CDH19: variants seen among roughly 807,000 people sequenced by gnomAD.
The protein encoded by CDH19 is cadherin 19.
A neutral mutation model predicts 64.2 loss-of-function variants in CDH19; 67 were observed. The observed-to-expected ratio is 1.04, with a 90% CI of 0.86 to 1.28. The LOEUF is 1.28. Ranked by LOEUF, CDH19 falls within the 50% of genes most tolerant of loss-of-function variation. The pLI, the probability that CDH19 is intolerant of heterozygous loss-of-function variation, is 0.00. For missense variants in CDH19, 1,030 were observed against 929.0 expected (o/e 1.11, Z -1.41); for synonymous variants, 346 against 319.3 (o/e 1.08, Z -0.89).
At chr18:66,520,837 C>A (rs892904879) in intron 9 of CDH19, among the ~76,000 whole-genome samples, 1 of 151,874 alleles carries the variant, frequency 6.6e-6, no homozygotes, top group Admixed American at 6.6e-5. Context: ...AAACGTTGCT[C>A]CTGTAGGATG....
intron 9 of CDH19, among the ~76,000 whole-genome samples, chr18:66,518,621 T>C (rs1985844090): frequency 6.6e-6 from 1 of 152,186 alleles, no homozygotes; most frequent in African/African-American, 2.4e-5. Flanking sequence ...TTCCTTTGAC[T>C]TGATATGTAA....
At chr18:66,539,310 T>C (rs1026698790) in intron 7 of CDH19, among the ~76,000 whole-genome samples, 2 of 152,100 alleles carry the variant, frequency 1.3e-5, no homozygotes, top group African/African-American at 4.8e-5. Context: ...ATATTATAGA[T>C]TTGGACTAGT....
At chr18:66,542,630 TA>T (rs1986933557) in intron 7 of CDH19, among the ~76,000 whole-genome samples, 1 of 152,202 alleles carries the variant, frequency 6.6e-6, no homozygotes, top group Non-Finnish European at 1.5e-5. Context: ...CTTTAAGTGG[TA>T]TCCTGTAAAA....
chr18:66,554,359 C>G, intron 4 of CDH19, 46 bp downstream of exon 4: 1 of 1,596,872 alleles, frequency 6.3e-7, no homozygotes, highest in Non-Finnish European at 8.5e-7. Context: ...TGACAATTGC[C>G]TTCTTTAGAA....
At chr18:66,538,127 A>G (rs1986745483) in intron 7 of CDH19, among the ~76,000 whole-genome samples, 1 of 152,096 alleles carries the variant, frequency 6.6e-6, no homozygotes, top group South Asian at 2.1e-4. Flanking sequence ...TAAAAAATAT[A>G]TTCACTATGT....
rs1469188139 is a variant in CDH19, at chr18:66,516,825, G to A, written c.1459-5140C>T. ...TAGGTTCACTCTAGAAGAGAATATA[G>A]GTTCCTATTAGGGTAGAAAGAATGA... On this transcript the variant is annotated intron_variant, in intron 9 of 11. Coordinates refer to ENST00000262150, the MANE Select transcript of CDH19 (RefSeq NM_021153.4). Among the ~76,000 whole-genome samples the A allele has an allele frequency of 2.0e-5, 3 of 151,922 alleles. No individual in the cohort carries two copies. In the East Asian group the frequency reaches 5.8e-4, roughly 29 times the overall value.
At chr18:66,600,569 C>A (rs1283203282) in intron 1 of CDH19, among the ~76,000 whole-genome samples, 1 of 151,800 alleles carries the variant, frequency 6.6e-6, no homozygotes, top group East Asian at 1.9e-4. Context: ...CGCTTTGTAT[C>A]TTTAAAAATA....
intron 1 of CDH19, among the ~76,000 whole-genome samples, chr18:66,577,494 C>T (rs1284695171): frequency 6.6e-6 from 1 of 151,912 alleles, no homozygotes; most frequent in Non-Finnish European, 1.5e-5. Flanking sequence ...AGTCTTTGTG[C>T]TAAAACACCT....
Position 66,511,601 on chromosome 18 carries a change from T to G in CDH19, c.1543A>C (p.Asn515His). ...TCTATGATTGTAAAACTTGAATTGT[T>G]AGTGTCTTCTACAGATAGATTAAAG... ...FYFNLSVEDT[N>H]NSSFTIIDNQ... is the part of the protein sequence containing the mutation. Residue 515 changes from asparagine (N) to histidine (H), a missense_variant, in exon 10 of 12, where the codon AAC becomes CAC. Transcript: ENST00000262150. 1 of 1,501,758 alleles carries G rather than the reference T, an allele frequency of 6.7e-7. No homozygotes were observed. Among genetic ancestry groups the G allele is most frequent in the East Asian group, 2.3e-5 (1 of 44,150 alleles). 93.0% of individuals were successfully genotyped at this position (1,501,758 alleles called of 1,614,324 possible).
chr18:66,582,758 T>C (rs1273484978), intron 1 of CDH19, among the ~76,000 whole-genome samples: 1 of 151,872 alleles, frequency 6.6e-6, no homozygotes, highest in African/African-American at 2.4e-5. Context: ...CATTCACTAT[T>C]GATGTGAAAT....
intron 9 of CDH19, among the ~76,000 whole-genome samples, chr18:66,513,435 T>C (rs1340900641): frequency 1.3e-5 from 2 of 151,514 alleles, no homozygotes; most frequent in Admixed American, 6.6e-5. Flanking sequence ...GCTTTCATAA[T>C]TACTTTATAA....
At chr18:66,529,796 G>A (rs768197557) in intron 9 of CDH19, 49 bp downstream of exon 9, 22 of 1,188,664 alleles carry the variant, frequency 1.9e-5, no homozygotes, top group Non-Finnish European at 4.5e-6. Flanking sequence ...TTCATATTAT[G>A]AAACAATGAT....
intron 1 of CDH19, among the ~76,000 whole-genome samples, chr18:66,593,815 T>C (rs1048102668): frequency 4.6e-5 from 7 of 152,072 alleles, no homozygotes; most frequent in Non-Finnish European, 1.0e-4. Flanking sequence ...AAATAATGAA[T>C]TGAAGGGTAA....
Position 66,529,970 on chromosome 18 carries a change from C to T in CDH19, c.1337-4G>A. ...GAAGAGATCTGTTCTATATTGTCTGCAATTTGAATATATATAATAAAAATC... is the reference window on the plus strand; with the variant it reads ...GAAGAGATCTGTTCTATATTGTCTGTAATTTGAATATATATAATAAAAATC... On this transcript the variant is annotated splice_region_variant and splice_polypyrimidine_tract_variant and intron_variant, in intron 8 of 11. Coordinates refer to ENST00000262150, the MANE Select transcript of CDH19 (RefSeq NM_021153.4). The T allele has an allele frequency of 1.4e-6, 2 of 1,439,516 alleles. No homozygotes were observed. The highest frequency in any genetic ancestry group is 1.9e-6 in the Non-Finnish European group (2 of 1,061,492). 89.2% of individuals were successfully genotyped at this position (1,439,516 alleles called of 1,614,324 possible). A position where few individuals can be genotyped will look rare whatever the true frequency, so the allele number is the denominator to read the frequency against.
intron 8 of CDH19, among the ~76,000 whole-genome samples, chr18:66,530,928 T>C (rs1377600686): frequency 6.6e-6 from 1 of 152,006 alleles, no homozygotes; most frequent in Non-Finnish European, 1.5e-5. Flanking sequence ...GGGGCAGAAG[T>C]GTGGAGCCAA....
chr18:66,591,703 A>C (rs1454368313), intron 1 of CDH19, among the ~76,000 whole-genome samples: 1 of 151,824 alleles, frequency 6.6e-6, no homozygotes. Flanking sequence ...TTACAAGTGG[A>C]ATTCTATTTA....
intron 1 of CDH19, among the ~76,000 whole-genome samples, chr18:66,579,500 G>A (rs769873448): frequency 4.6e-5 from 7 of 151,906 alleles, no homozygotes; most frequent in African/African-American, 9.7e-5. Flanking sequence ...CACAGATACC[G>A]ACTTTGAGTC....
Position 66,568,514 on chromosome 18 carries a change from T to A in CDH19, c.392A>T (p.Glu131Val), listed in dbSNP as rs368444797. ...CGAAACTTTGATGACAAACTCAGAC[T>A]CAGGTTCCACAGCCCTTCCAGTAGC... ...DIATGRAVEP[E>V]SEFVIKVSDI... The change falls in exon 3 of 12, where the codon GAG (glutamate) becomes GTG (valine). Residue 131 changes from glutamate to valine, a missense_variant. Transcript: ENST00000262150. The A allele has an allele frequency of 6.2e-7, 1 of 1,612,260 alleles. No individual in the cohort carries two copies. Among genetic ancestry groups the A allele is most frequent in the Non-Finnish European group, 8.5e-7 (1 of 1,178,950 alleles).
At position 66,581,867 on chromosome 18, in the gene CDH19, T is replaced by C. The variant is rs540810104; in HGVS notation, c.-112-9551A>G. Among the ~76,000 whole-genome samples, 22 of 152,248 alleles carry C rather than the reference T, an allele frequency of 1.4e-4. 1 individual carries two copies. In the South Asian group the frequency reaches 4.4e-3, roughly 30 times the overall value. ...CTCCCTTTCATATATGCATATATCA[T>C]ATTAGCATTGCACCTCTAAAGAACC... On this transcript the variant is annotated intron_variant, in intron 1 of 11. Transcript: ENST00000262150.
Sources: allele counts gnomAD v4.1 joint callset (sites outside exome capture counted in the v4.1 genomes callset), GRCh38; gene constraint gnomAD v4.1.1; transcripts MANE v1.5; gene names NCBI Gene and HGNC (gene_info 2026-07-23, HGNC 2026-07-21).